ATMIN: variants seen among roughly 807,000 people sequenced by gnomAD.
ATMIN encodes ATM INteracting protein.
ATMIN carries 24 observed loss-of-function variants against 49.2 expected under a neutral mutation model. The ratio of observed to expected loss-of-function variants is 0.49; its 90% CI spans 0.35 to 0.69. The LOEUF is 0.69. Among genes scored for constraint, ATMIN ranks in the 30% least tolerant of loss-of-function variants. The probability of loss-of-function intolerance (pLI) is 0.00; values close to 1 mark genes in which losing one functional copy is unlikely to be tolerated. For synonymous variants in ATMIN, 450 were observed against 392.5 expected, an observed-to-expected ratio of 1.15 and a Z score of -1.73; for missense variants, 1,037 against 1,005.5, an observed-to-expected ratio of 1.03 and a Z score of -0.42.
rs1971100490 is a variant in ATMIN, at chr16:81,045,348, T to C, written c.*378T>C. 1 of 190,674 alleles carries C rather than the reference T, an allele frequency of 5.2e-6. No homozygotes were observed. The highest frequency in any genetic ancestry group is 1.1e-5 in the Non-Finnish European group (1 of 92,352). The allele number at this position is 190,674 out of a possible 1,614,324, so 11.8% of individuals were successfully genotyped here. On this transcript the variant is annotated 3_prime_UTR_variant, in exon 4 of 4. Coordinates refer to ENST00000299575, the MANE Select transcript of ATMIN (RefSeq NM_015251.3). ...TCAAAACATTTTAGTCAAAGTGTAA[T>C]ATACTTAAACTGCACCTAAAATATC... is the stretch of plus-strand genomic sequence containing the variant.
In ATMIN at chr16:81,044,140, C is replaced by A. The variant is rs140929601; in HGVS notation, c.1642C>A (p.Pro548Thr). 9 of 1,614,150 alleles carry A rather than the reference C, an allele frequency of 5.6e-6. No individual in the cohort carries two copies. The highest frequency in any genetic ancestry group is 6.8e-6 in the Non-Finnish European group (8 of 1,180,016). Residue 548 changes from proline to threonine, a missense_variant, in exon 4 of 4, where the codon CCT becomes ACT. Pro to Thr is a conservative substitution (Grantham distance 38). Transcript: ENST00000299575. ...VAETVTHSLL[P>T]QNEPKTLNQD... is the part of the protein sequence containing the mutation. ...AGAGACAGTAACTCATAGTTTGTTACCTCAGAATGAGCCTAAGACTTTAAA... is the reference window on the plus strand; with the variant it reads ...AGAGACAGTAACTCATAGTTTGTTAACTCAGAATGAGCCTAAGACTTTAAA...
At chr16:81,041,113 A>G in intron 1 of ATMIN, 3 of 396,982 alleles carry the variant, frequency 7.6e-6, no homozygotes, top group Non-Finnish European at 9.3e-6. Flanking sequence ...TGGAATGTAA[A>G]TTGACTAAGA....
Position 81,036,066 on chromosome 16 carries a change from G to A in ATMIN, c.196G>A (p.Gly66Arg), listed in dbSNP as rs1328410480. Reference protein sequence around the residue: ...QQPAVPAPPAGELIQPSVSEL... With the variant: ...QQPAVPAPPARELIQPSVSEL... ...GCCCGCTGTCCCCGCGCCGCCGGCG[G>A]GGGAGCTGATCCAGCCGTCGGTGAG... Residue 66 changes from glycine (G) to arginine (R), a missense_variant, in exon 1 of 4, where the codon GGG becomes AGG. Physicochemically the swap from Gly to Arg is moderately radical, Grantham distance 125. Coordinates refer to ENST00000299575, the MANE Select transcript of ATMIN (RefSeq NM_015251.3). 9.2e-6 allele frequency: 12 copies of A among 1,305,962 alleles called. No individual in the cohort carries two copies. Among genetic ancestry groups the A allele is most frequent in the African/African-American group, 3.0e-5 (2 of 65,658 alleles). 80.9% of individuals were successfully genotyped at this position (1,305,962 alleles called of 1,614,324 possible).
chr16:81,044,412 C>T lies in ATMIN; in HGVS notation c.1914C>T (p.Ile638=), dbSNP rs150501808. 30 of 1,613,998 alleles carry T rather than the reference C, an allele frequency of 1.9e-5. No individual in the cohort carries two copies. The highest frequency in any genetic ancestry group is 1.7e-4 in the African/African-American group (13 of 74,906). ...PAQNPGIDFD[I]EEFFSASNIQ... is the part of the protein sequence containing the mutation. Reference sequence around the variant, plus strand: ...AGAACCCCGGAATCGATTTTGATATCGAAGAGTTCTTTTCGGCCTCAAATA... The same window carrying T: ...AGAACCCCGGAATCGATTTTGATATTGAAGAGTTCTTTTCGGCCTCAAATA... Residue 638 remains isoleucine (I), a synonymous_variant, in exon 4 of 4, where the codon ATC becomes ATT. Transcript: ENST00000299575.
At chr16:81,036,878 T>A (rs935702268) in intron 1 of ATMIN, among the ~76,000 whole-genome samples, 2 of 152,162 alleles carry the variant, frequency 1.3e-5, no homozygotes, top group African/African-American at 4.8e-5. Flanking sequence ...AATAAAAAAA[T>A]GTTTTAAAGG....
intron 2 of ATMIN, among the ~76,000 whole-genome samples, chr16:81,041,872 TAAG>T (rs989670645): frequency 2.6e-5 from 4 of 152,072 alleles, no homozygotes; most frequent in Admixed American, 2.0e-4. Flanking sequence ...GCCGCAATCT[TAAG>T]AGGAGGGAGG....
At chr16:81,041,234 T>TTA in intron 1 of ATMIN, 122 bp from the exon 2 acceptor site, 1 of 1,093,188 alleles carries the variant, frequency 9.1e-7, no homozygotes, top group African/African-American at 1.6e-5. Flanking sequence ...TGACACTAGA[T>TTA]GGAAAAACTC....
At chr16:81,040,111 T>C (rs901749293) in intron 1 of ATMIN, among the ~76,000 whole-genome samples, 22 of 152,228 alleles carry the variant, frequency 1.4e-4, no homozygotes, top group African/African-American at 5.1e-4. Flanking sequence ...TTTCCTCTCA[T>C]AGGTTCTCTT....
Position 81,042,050 on chromosome 16 carries a change from A to G in ATMIN, c.463-231A>G, listed in dbSNP as rs533643384. On this transcript the variant is annotated intron_variant, in intron 2 of 3. Transcript: ENST00000299575. ...AGAGTGTAAATGCTGGAGACCATAG[A>G]TGTTTCCAAAACAATCTCCTCACTT... Among the ~76,000 whole-genome samples the G allele has an allele frequency of 1.2e-4, 19 of 152,184 alleles. No homozygotes were observed. The South Asian group carries it at 2.1e-3, about 17-fold the overall frequency.
At chr16:81,040,838 T>C (rs2151739006) in intron 1 of ATMIN, 1 of 155,558 alleles carries the variant, frequency 6.4e-6, no homozygotes, top group Middle Eastern at 3.4e-3. Flanking sequence ...GGTCTAGAAA[T>C]TAGATTGAGG....
At chr16:81,036,321 C>T in intron 1 of ATMIN, 115 bp downstream of exon 1, 2 of 986,800 alleles carry the variant, frequency 2.0e-6, no homozygotes, top group Non-Finnish European at 1.2e-6. Context: ...CTGCCGCTGC[C>T]GCTGCCCCAC....
rs751541445 is a variant in ATMIN at position 81,041,399 on chromosome 16, G to T, written c.380G>T (p.Gly127Val). The change falls in exon 2 of 4, where the codon GGA becomes GTA. Residue 127 changes from glycine to valine, a missense_variant. Gly to Val is a moderately radical substitution (Grantham distance 109, BLOSUM62 -3). Transcript: ENST00000299575. ...ACAATAAGAAAAGATTTGAAAACTG[G>T]ACCGAAATTCTACTGCTGTCCAATT... ...NPTIRKDLKT[G>V]PKFYCCPIEG... The T allele has an allele frequency of 3.1e-6, 5 of 1,613,712 alleles. No individual in the cohort carries two copies. Among genetic ancestry groups the T allele is most frequent in the Non-Finnish European group, 3.4e-6 (4 of 1,179,986 alleles).
intron 2 of ATMIN, chr16:81,041,758 G>A (rs1307237371): frequency 3.4e-6 from 1 of 296,246 alleles, no homozygotes; most frequent in African/African-American, 2.2e-5. Flanking sequence ...CAGATCTCCT[G>A]TGTGAGTCTG....
rs750352522 is a variant in ATMIN, at chr16:81,042,460, C to T, written c.642C>T (p.His214=). ...AGTCTCACATCTACCGAACTGGGCACGAGATACCTGCAGAACACAGGTGAA... is the reference window on the plus strand; with the variant it reads ...AGTCTCACATCTACCGAACTGGGCATGAGATACCTGCAGAACACAGGTGAA... ...ALQSHIYRTG[H]EIPAEHRDPP... Residue 214 remains histidine (H), a synonymous_variant, in exon 3 of 4, where the codon CAC becomes CAT. Transcript: ENST00000299575. 18 of 1,613,916 alleles carry T rather than the reference C, an allele frequency of 1.1e-5. No individual in the cohort carries two copies. The highest frequency in any genetic ancestry group is 1.4e-5 in the Non-Finnish European group (16 of 1,180,010).
chr16:81,038,645 T>C (rs6564817), intron 1 of ATMIN, among the ~76,000 whole-genome samples: 149,961 of 152,242 alleles, frequency 0.99, 73,893 homozygotes, highest in Middle Eastern at 1. Context: ...GATCTGTACC[T>C]TGTCTGGTTA....
Position 81,041,347 on chromosome 16 carries a change from C to G in ATMIN, c.337-9C>G. The G allele has an allele frequency of 1.9e-6, 3 of 1,592,890 alleles. No homozygotes were observed. The highest frequency in any genetic ancestry group is 2.6e-6 in the Non-Finnish European group (3 of 1,174,070). On this transcript the variant is annotated splice_polypyrimidine_tract_variant and intron_variant, in intron 1 of 3. Coordinates refer to ENST00000299575, the MANE Select transcript of ATMIN (RefSeq NM_015251.3). ...GAAATAATAATTTAAAGTAATTTTC[C>G]TTTTGCAGGATGGCATAGTCAATCC...
intron 1 of ATMIN, among the ~76,000 whole-genome samples, chr16:81,036,731 T>G (rs1450978454): frequency 6.6e-6 from 1 of 152,126 alleles, no homozygotes; most frequent in Non-Finnish European, 1.5e-5. Flanking sequence ...TTTTAAATGT[T>G]CTCACCACCA....
At position 81,043,229 on chromosome 16, in the gene ATMIN, T is replaced by C. The variant is rs774031605; in HGVS notation, c.731T>C (p.Ile244Thr). Residue 244 changes from isoleucine to threonine, a missense_variant, in exon 4 of 4, where the codon ATT becomes ACT. Ile to Thr is a moderately conservative substitution (Grantham distance 89, BLOSUM62 -1). Transcript: ENST00000299575. ...AQNQKLSNKT[I>T]ESLNNQPIPR... ...AACCAGAAGTTATCCAACAAGACCATTGAATCATTGAACAACCAACCAATC... is the reference window on the plus strand; with the variant it reads ...AACCAGAAGTTATCCAACAAGACCACTGAATCATTGAACAACCAACCAATC... 7.4e-6 allele frequency: 12 copies of C among 1,613,918 alleles called. No individual in the cohort carries two copies. The East Asian group carries it at 1.1e-4, about 15-fold the overall frequency.
In ATMIN at chr16:81,045,030, C is replaced by T. The variant is rs1397429308; in HGVS notation, c.*60C>T. The T allele has an allele frequency of 2.6e-6, 4 of 1,550,876 alleles. No homozygotes were observed. The Admixed American group carries it at 5.8e-5, about 22-fold the overall frequency. On this transcript the variant is annotated 3_prime_UTR_variant, in exon 4 of 4. Transcript: ENST00000299575. ...TACCATTTCCTCTGGATTAAAACTA[C>T]GGACTGGGGACAACAGTATTAATTC...
Sources: allele counts gnomAD v4.1 joint callset (sites outside exome capture counted in the v4.1 genomes callset), GRCh38; gene constraint gnomAD v4.1.1; transcripts MANE v1.5; gene names NCBI Gene and HGNC (gene_info 2026-07-23, HGNC 2026-07-21).